Variants in TTC7A observed in about 807,000 individuals in gnomAD.
TTC7A encodes tetratricopeptide repeat domain 7A.
In TTC7A, 110 loss-of-function variants were observed where a neutral mutation model predicts 103.7. The observed-to-expected ratio is 1.06, with a 90% CI of 0.91 to 1.24. The LOEUF is 1.24. TTC7A is among the 50% of genes most tolerant of loss of function. The probability of loss-of-function intolerance (pLI) is 0.00; values close to 1 mark genes in which losing one functional copy is unlikely to be tolerated. For synonymous variants in TTC7A, 521 were observed against 467.9 expected (o/e 1.11, Z -1.47); for missense variants, 1,340 against 1,116.3 (o/e 1.20, Z -2.86).
chr2:46,976,916 G>A (rs548275836), intron 4 of TTC7A, among the ~76,000 whole-genome samples: 1 of 152,352 alleles, frequency 6.6e-6, no homozygotes, highest in Non-Finnish European at 1.5e-5. Context: ...GGACTTGAGT[G>A]CCCATTCTTT....
chr2:46,982,619 T>C (rs1674583970), intron 5 of TTC7A, among the ~76,000 whole-genome samples: 1 of 151,726 alleles, frequency 6.6e-6, no homozygotes, highest in Non-Finnish European at 1.5e-5. Context: ...CTCATAGCAT[T>C]GTTGTGGGGA....
At chr2:47,027,548 G>T (rs546193660) in intron 14 of TTC7A, among the ~76,000 whole-genome samples, 1 of 152,384 alleles carries the variant, frequency 6.6e-6, no homozygotes, top group South Asian at 2.1e-4. Context: ...CTAATTTGCA[G>T]ATAAGGGAAC....
Position 46,941,658 on chromosome 2 carries a change from G to C in TTC7A, c.117G>C (p.Leu39=), listed in dbSNP as rs1404317380. 6.4e-7 allele frequency: 1 copy of C among 1,552,036 alleles called. No homozygotes were observed. The highest frequency in any genetic ancestry group is 1.4e-5 in the African/African-American group (1 of 73,178). ...MPELVRQLQT[L]SMPGGGGNRR... Reference sequence around the variant, plus strand: ...AGCTGGTCCGGCAGCTGCAGACGCTGAGCATGCCCGGCGGCGGAGGTAACA... The same window carrying C: ...AGCTGGTCCGGCAGCTGCAGACGCTCAGCATGCCCGGCGGCGGAGGTAACA... Residue 39 remains leucine, a synonymous_variant, in exon 1 of 20, where the codon CTG becomes CTC. Transcript: ENST00000319190. This position sits in a 1 kb window ranked among gnomAD's most constrained non-coding sequence, Gnocchi z 4.2.
intron 15 of TTC7A, among the ~76,000 whole-genome samples, chr2:47,044,772 A>T (rs1050300436): frequency 6.6e-6 from 1 of 152,222 alleles, no homozygotes; most frequent in African/African-American, 2.4e-5. Flanking sequence ...TCTTCTGAAA[A>T]TCCTGGGGCA....
chr2:47,021,828 C>T, intron 11 of TTC7A, 34 bp from the exon 12 acceptor site: 1 of 1,576,700 alleles, frequency 6.3e-7, no homozygotes, highest in South Asian at 1.1e-5. Context: ...AACTCCAACC[C>T]CACCTCCATG....
chr2:46,979,909 G>A lies in TTC7A; in HGVS notation c.764+1002G>A, dbSNP rs139924709. 4.6e-3 allele frequency among the ~76,000 whole-genome samples: 700 copies of A among 152,252 alleles called. 8 individuals carry two copies. The highest frequency in any genetic ancestry group is 0.016 in the African/African-American group (653 of 41,536). On this transcript the variant is annotated intron_variant, in intron 5 of 19. Transcript: ENST00000319190. ...AGGAGCAGACCCATAGGTGCCAAGC[G>A]CAGCCGTCCCCCGTGCGTAGTCACG...
At chr2:47,073,680 C>T (rs1190604329) in intron 19 of TTC7A, 22 bp from the exon 20 acceptor site, 1 of 1,610,176 alleles carries the variant, frequency 6.2e-7, no homozygotes. Flanking sequence ...CCTACTCACC[C>T]TGCCCTGTGC....
intron 3 of TTC7A, among the ~76,000 whole-genome samples, chr2:46,967,554 A>G (rs1672970247): frequency 6.6e-6 from 1 of 152,158 alleles, no homozygotes; most frequent in African/African-American, 2.4e-5. Context: ...AATGTCCTCA[A>G]GGCTTATCCA....
chr2:46,949,688 C>G (rs1355545260), intron 1 of TTC7A, among the ~76,000 whole-genome samples: 1 of 152,190 alleles, frequency 6.6e-6, no homozygotes, highest in Non-Finnish European at 1.5e-5. Context: ...TGCTTCCCAC[C>G]TAACTCTACT....
At chr2:47,015,734 C>T (rs747140731) in intron 11 of TTC7A, among the ~76,000 whole-genome samples, 25 of 152,106 alleles carry the variant, frequency 1.6e-4, no homozygotes, top group Non-Finnish European at 2.8e-4. Context: ...AAAAAGGATG[C>T]GCCTTGATGT....
intron 5 of TTC7A, among the ~76,000 whole-genome samples, chr2:46,989,670 A>C (rs1382211866): frequency 6.6e-6 from 1 of 152,050 alleles, no homozygotes; most frequent in Non-Finnish European, 1.5e-5. Flanking sequence ...GATTTACCCA[A>C]AACATGCCTG....
intron 19 of TTC7A, among the ~76,000 whole-genome samples, chr2:47,061,840 G>C (rs1021074235): frequency 6.7e-6 from 1 of 148,596 alleles, no homozygotes; most frequent in Non-Finnish European, 1.5e-5. Flanking sequence ...ATAGTGATCT[G>C]GAAGCTTGCA....
intron 2 of TTC7A, among the ~76,000 whole-genome samples, chr2:46,952,688 G>A (rs904581949): frequency 1.3e-5 from 2 of 152,166 alleles, no homozygotes; most frequent in African/African-American, 4.8e-5. Flanking sequence ...GGAGGTTGGG[G>A]CTGCAGTGAG....
intron 19 of TTC7A, among the ~76,000 whole-genome samples, chr2:47,065,145 G>A (rs1442796467): frequency 1.3e-5 from 2 of 152,120 alleles, no homozygotes; most frequent in African/African-American, 4.8e-5. Flanking sequence ...AAATTAGCCG[G>A]GCGTGGTGGT....
chr2:46,974,060 A>G (rs1673619894), intron 3 of TTC7A, among the ~76,000 whole-genome samples: 2 of 152,204 alleles, frequency 1.3e-5, no homozygotes, highest in African/African-American at 2.4e-5. Flanking sequence ...TCCAAAGTGT[A>G]CTGCAGTCCT....
intron 19 of TTC7A, among the ~76,000 whole-genome samples, chr2:47,064,579 C>G (rs897310521): frequency 3.3e-5 from 5 of 152,252 alleles, no homozygotes; most frequent in Non-Finnish European, 5.9e-5. Flanking sequence ...GCCTGCACTC[C>G]TCTTGGAGCT....
At position 47,017,264 on chromosome 2, in the gene TTC7A, C is replaced by T. The variant is rs141362951; in HGVS notation, c.1393-4598C>T. On this transcript the variant is annotated intron_variant, in intron 11 of 19. Coordinates refer to ENST00000319190, the MANE Select transcript of TTC7A (RefSeq NM_020458.4). ...GGGTGGTAGGTCATGCCTATCATCT[C>T]AACATTTTGGGAGGCTAAGTGGGAA... 5.3e-3 allele frequency among the ~76,000 whole-genome samples: 761 copies of T among 144,510 alleles called. 8 individuals carry two copies. In the Middle Eastern group the frequency reaches 0.057, roughly 11 times the overall value. 94.8% of individuals were successfully genotyped at this position (144,510 alleles called of 152,430 possible).
At chr2:46,988,279 A>G (rs966462751) in intron 5 of TTC7A, among the ~76,000 whole-genome samples, 1 of 152,162 alleles carries the variant, frequency 6.6e-6, no homozygotes, top group Non-Finnish European at 1.5e-5. Flanking sequence ...TCACAGCCCT[A>G]TTCTGAGGCT....
chr2:47,062,245 A>G (rs1683850952), intron 19 of TTC7A, among the ~76,000 whole-genome samples: 1 of 152,226 alleles, frequency 6.6e-6, no homozygotes, highest in East Asian at 1.9e-4. Flanking sequence ...CATCTTCATC[A>G]GGTCCTTTCC....
Sources: gnomAD v4.1 joint callset for allele counts (sites outside exome capture counted in the v4.1 genomes callset) on GRCh38, gnomAD v4.1.1 for gene constraint, Gnocchi (gnomAD v3.1) non-coding constraint, MANE v1.5 for transcripts, NCBI Gene and HGNC (gene_info 2026-07-23, HGNC 2026-07-21) for gene names.